The following MAS1 variants were observed in gnomAD, a reference collection of about 807,000 sequenced individuals.
MAS1 encodes proto-oncogene Mas.
For synonymous variants in MAS1, 163 were observed against 164.2 expected, an observed-to-expected ratio of 0.99 and a Z score of 0.05; for missense variants, 387 against 409.7, an observed-to-expected ratio of 0.94 and a Z score of 0.48.
chr6:159,904,662 T>C (rs1331360487), intron 2 of MAS1, among the ~76,000 whole-genome samples: 3 of 152,174 alleles, frequency 2.0e-5, no homozygotes, highest in Non-Finnish European at 4.4e-5. Flanking sequence ...ACCGAGGCTG[T>C]TCACGCCTCA....
chr6:159,896,118 G>A (rs1284365821), intron 1 of MAS1, among the ~76,000 whole-genome samples: 1 of 151,938 alleles, frequency 6.6e-6, no homozygotes, highest in Non-Finnish European at 1.5e-5. Context: ...AGACCATCCT[G>A]GGCAACATGG....
At chr6:159,889,619 T>C (rs910640176), upstream of MAS1, among the ~76,000 whole-genome samples, 11 of 152,220 alleles carry the variant, frequency 7.2e-5, no homozygotes, top group African/African-American at 2.7e-4. Flanking sequence ...ATGGTGCCTG[T>C]TTCCTTTTTA....
Position 159,908,509 on chromosome 6 carries a change from G to GCACACACACACACACACACA in MAS1, c.*593_*612dup, listed in dbSNP as rs55793021. On this transcript the variant is annotated 3_prime_UTR_variant, in exon 3 of 3. Transcript: ENST00000674077. ...AAGATATAAATTTTTGTTTTGTAAAGCACACACACACACACACACACACAC... is the reference window on the plus strand; with the variant it reads ...AAGATATAAATTTTTGTTTTGTAAAGCACACACACACACACACACACACACACACACACACACACACACAC... The GCACACACACACACACACACA allele has an allele frequency of 7.5e-5, 11 of 145,878 alleles. No homozygotes were observed. Among genetic ancestry groups the GCACACACACACACACACACA allele is most frequent in the African/African-American group, 2.5e-4 (10 of 39,408 alleles). 9.0% of individuals were successfully genotyped at this position (145,878 alleles called of 1,614,324 possible). A position where few individuals can be genotyped will look rare whatever the true frequency, so the allele number is the denominator to read the frequency against.
In MAS1 at chr6:159,908,015, C is replaced by A; in HGVS notation, c.*82C>A. 1 of 1,434,520 alleles carries A rather than the reference C, an allele frequency of 7.0e-7. No homozygotes were observed. Among genetic ancestry groups the A allele is most frequent in the Non-Finnish European group, 9.4e-7 (1 of 1,065,004 alleles). 88.9% of individuals were successfully genotyped at this position (1,434,520 alleles called of 1,614,324 possible). A position where few individuals can be genotyped will look rare whatever the true frequency, so the allele number is the denominator to read the frequency against. ...TGCTTGGAATATGACTTAAGTATCT[C>A]CTAAATGTGATACAGAAGAACATCT... On this transcript the variant is annotated 3_prime_UTR_variant, in exon 3 of 3. Transcript: ENST00000674077.
At chr6:159,902,389 C>T (rs2115114654) in intron 2 of MAS1, 1 of 152,264 alleles carries the variant, frequency 6.6e-6, no homozygotes, top group Non-Finnish European at 1.5e-5. Flanking sequence ...GAACCAGGCT[C>T]ATCTGAAGCG....
rs1782954376 is a variant in MAS1, at chr6:159,910,599, T to C, written c.*2666T>C. ...CTTTGCTCACTGCTGTAGCCCCAGC[T>C]TATTTGCTGTGTTGGTCGAATCCAC... On this transcript the variant is annotated 3_prime_UTR_variant, in exon 3 of 3. Transcript: ENST00000674077. 1 of 152,290 alleles carries C rather than the reference T, an allele frequency of 6.6e-6. No individual in the cohort carries two copies. Among genetic ancestry groups the C allele is most frequent in the Admixed American group, 6.5e-5 (1 of 15,288 alleles). 9.4% of individuals were successfully genotyped at this position (152,290 alleles called of 1,614,324 possible). A position where few individuals can be genotyped will look rare whatever the true frequency, so the allele number is the denominator to read the frequency against.
At chr6:159,901,243 A>G (rs1782818066) in intron 2 of MAS1, among the ~76,000 whole-genome samples, 1 of 152,210 alleles carries the variant, frequency 6.6e-6, no homozygotes, top group Admixed American at 6.5e-5. Context: ...ATAGAGTCAC[A>G]TTGAGGATTA....
At chr6:159,906,039 T>G (rs1369664487) in intron 2 of MAS1, among the ~76,000 whole-genome samples, 2 of 150,500 alleles carry the variant, frequency 1.3e-5, no homozygotes, top group Non-Finnish European at 3.0e-5. Context: ...AGTCTCTGTC[T>G]CAAAAAAAAA....
chr6:159,903,459 G>T (rs1182567102), intron 2 of MAS1, among the ~76,000 whole-genome samples: 58 of 152,142 alleles, frequency 3.8e-4, no homozygotes, highest in Non-Finnish European at 1.5e-5. Context: ...CTGTAGGTTA[G>T]CCTGGCTGGA....
chr6:159,898,126 AG>A (rs1283855577), intron 1 of MAS1, among the ~76,000 whole-genome samples: 1 of 152,058 alleles, frequency 6.6e-6, no homozygotes, highest in Non-Finnish European at 1.5e-5. Flanking sequence ...TCCTGACCTC[AG>A]GTAATTTGCC....
chr6:159,913,032 A>G lies in MAS1; in HGVS notation c.*5099A>G, dbSNP rs1281221364. On this transcript the variant is annotated 3_prime_UTR_variant, in exon 3 of 3. Transcript: ENST00000674077. ...TTAGATATTTTTGCAAAAATTACCC[A>G]CTTTTTGATGTTCAGCAAAAGTAAC... The G allele has an allele frequency of 6.6e-6, 1 of 152,206 alleles. No individual in the cohort carries two copies. Among genetic ancestry groups the G allele is most frequent in the Non-Finnish European group, 1.5e-5 (1 of 68,032 alleles). 9.4% of individuals were successfully genotyped at this position (152,206 alleles called of 1,614,324 possible). A position where few individuals can be genotyped will look rare whatever the true frequency, so the allele number is the denominator to read the frequency against.
At position 159,915,224 on chromosome 6, in the gene MAS1, T is replaced by C. The variant is rs1783008714; in HGVS notation, c.*7291T>C. On this transcript the variant is annotated 3_prime_UTR_variant, in exon 3 of 3. Coordinates refer to ENST00000674077, the MANE Select transcript of MAS1 (RefSeq NM_002377.4). The stretch of plus-strand genomic sequence containing the variant: ...AAGAAACATTGTTCTCAAAGGAAAC[T>C]GGTGAAGTTTGGGGGTGCCTCCATT... 6.6e-6 allele frequency: 1 copy of C among 152,238 alleles called. No homozygotes were observed. Among genetic ancestry groups the C allele is most frequent in the Non-Finnish European group, 1.5e-5 (1 of 68,042 alleles). The allele number at this position is 152,238 out of a possible 1,614,324, so 9.4% of individuals were successfully genotyped here.
At chr6:159,905,264 T>C (rs75433888) in intron 2 of MAS1, among the ~76,000 whole-genome samples, 1,791 of 152,318 alleles carry the variant, frequency 0.012, 16 homozygotes, top group African/African-American at 0.022. Context: ...ATGGTGGTCT[T>C]ACTTGCAAAC....
chr6:159,904,620 C>T (rs867788302), intron 2 of MAS1, among the ~76,000 whole-genome samples: 1 of 152,316 alleles, frequency 6.6e-6, no homozygotes, highest in Middle Eastern at 3.4e-3. Context: ...CCTGCCATGG[C>T]CCCTAGAGTG....
intron 2 of MAS1, among the ~76,000 whole-genome samples, chr6:159,901,473 C>T (rs1782821170): frequency 6.6e-6 from 1 of 152,126 alleles, no homozygotes; most frequent in East Asian, 1.9e-4. Context: ...ATGGTGCATG[C>T]CTGTTGTCCT....
chr6:159,898,519 C>CCTT (rs1344026132), intron 1 of MAS1, among the ~76,000 whole-genome samples: 20 of 135,726 alleles, frequency 1.5e-4, no homozygotes, highest in African/African-American at 4.0e-4. Context: ...TCCTCCTCCT[C>CCTT]CTTCTTCCTC....
At position 159,913,499 on chromosome 6, in the gene MAS1, T is replaced by C. The variant is rs1232563706; in HGVS notation, c.*5566T>C. The C allele has an allele frequency of 6.6e-6, 1 of 152,238 alleles. No homozygotes were observed. The highest frequency in any genetic ancestry group is 1.5e-5 in the Non-Finnish European group (1 of 68,044). The allele number at this position is 152,238 out of a possible 1,614,324, so 9.4% of individuals were successfully genotyped here. A position where few individuals can be genotyped will look rare whatever the true frequency, so the allele number is the denominator to read the frequency against. ...CGTCTCTTGTAGTTGTAGTGAGTTG[T>C]TGGCTGAGGCAGAAGCCACCTGAAG... On this transcript the variant is annotated 3_prime_UTR_variant, in exon 3 of 3. Coordinates refer to ENST00000674077, the MANE Select transcript of MAS1 (RefSeq NM_002377.4).
intron 1 of MAS1, among the ~76,000 whole-genome samples, chr6:159,895,860 A>C (rs1782749107): frequency 2.0e-5 from 3 of 152,260 alleles, no homozygotes; most frequent in African/African-American, 7.2e-5. Flanking sequence ...CCTTTGGTCT[A>C]GCAATTCCAC....
rs1293160880 is a variant in MAS1, at chr6:159,909,904, T to A, written c.*1971T>A. The A allele has an allele frequency of 6.6e-6, 1 of 152,178 alleles. No individual in the cohort carries two copies. The highest frequency in any genetic ancestry group is 1.5e-5 in the Non-Finnish European group (1 of 68,010). 9.4% of individuals were successfully genotyped at this position (152,178 alleles called of 1,614,324 possible). ...AATGAATATAAAAATTATTCTAACC[T>A]TTTAAAATGATGCCTTACCAAGAGG... On this transcript the variant is annotated 3_prime_UTR_variant, in exon 3 of 3. Transcript: ENST00000674077.
Sources: gnomAD v4.1 joint callset for allele counts (sites outside exome capture counted in the v4.1 genomes callset) on GRCh38, gnomAD v4.1.1 for gene constraint, MANE v1.5 for transcripts, NCBI Gene and HGNC (gene_info 2026-07-23, HGNC 2026-07-21) for gene names.